SYTL3: variants seen among roughly 807,000 people sequenced by gnomAD.
SYTL3 encodes the protein synaptotagmin like 3.
In SYTL3, 88 loss-of-function variants were observed where a neutral mutation model predicts 82.1. The observed-to-expected ratio is 1.07, with a 90% confidence interval of 0.90 to 1.28. SYTL3 has a LOEUF of 1.28. SYTL3 is among the 50% of genes most tolerant of loss of function. The pLI is 0.00. For synonymous variants in SYTL3, 311 were observed against 289.4 expected, an observed-to-expected ratio of 1.07 and a Z score of -0.76; for missense variants, 831 against 757.6, an observed-to-expected ratio of 1.10 and a Z score of -1.14.
rs1790067547 is a variant in SYTL3, at chr6:158,762,191, T to C, written c.1517+13T>C. 1.3e-6 allele frequency: 2 copies of C among 1,583,866 alleles called. No individual in the cohort carries two copies. The highest frequency in any genetic ancestry group is 1.7e-6 in the Non-Finnish European group (2 of 1,153,038). On this transcript the variant is annotated intron_variant, in intron 16 of 17. Transcript: ENST00000611299. Reference sequence around the variant, plus strand: ...CATTTGTTAAGGGGTAGGTATTCGATGTAATCAAATATTTATTGGTGATCT... The same window carrying C: ...CATTTGTTAAGGGGTAGGTATTCGACGTAATCAAATATTTATTGGTGATCT...
At chr6:158,695,293 T>C (rs377744741) in intron 6 of SYTL3, among the ~76,000 whole-genome samples, 7 of 152,224 alleles carry the variant, frequency 4.6e-5, no homozygotes, top group African/African-American at 1.4e-4. Flanking sequence ...TTATTTTTCC[T>C]ATTTCAATGA....
rs1047704305 is a variant in SYTL3 at position 158,762,653 on chromosome 6, G to A, written c.1517+475G>A. Reference sequence around the variant, plus strand: ...GAACTCAGGCTGGACGCAGTGGCTCGTGCCTGTAATCCCAGCACTTTGGGA... The same window carrying A: ...GAACTCAGGCTGGACGCAGTGGCTCATGCCTGTAATCCCAGCACTTTGGGA... On this transcript the variant is annotated intron_variant, in intron 16 of 17. Transcript: ENST00000611299. 7.3e-4 allele frequency among the ~76,000 whole-genome samples: 111 copies of A among 152,166 alleles called. 1 individual carries two copies. Among genetic ancestry groups the A allele is most frequent in the Middle Eastern group, 6.8e-3 (2 of 294 alleles).
chr6:158,729,241 A>G (rs146034256), intron 11 of SYTL3, among the ~76,000 whole-genome samples: 99 of 152,328 alleles, frequency 6.5e-4, no homozygotes, highest in African/African-American at 2.4e-3. Flanking sequence ...TTTATTTTTC[A>G]TGGTCCTAGA....
chr6:158,725,433 G>C, intron 10 of SYTL3, 70 bp from the exon 11 acceptor site: 2 of 1,557,046 alleles, frequency 1.3e-6, no homozygotes, highest in South Asian at 2.3e-5. Flanking sequence ...GCTTGCTGAA[G>C]TCACCACATT....
intron 5 of SYTL3, among the ~76,000 whole-genome samples, chr6:158,674,566 C>T (rs1181333571): frequency 1.3e-5 from 2 of 152,216 alleles, no homozygotes; most frequent in African/African-American, 4.8e-5. Flanking sequence ...AGCGTGTGCT[C>T]CTGCTTTCGG....
chr6:158,668,001 A>G (rs891187898), intron 5 of SYTL3, among the ~76,000 whole-genome samples: 10 of 152,192 alleles, frequency 6.6e-5, no homozygotes, highest in Non-Finnish European at 1.5e-5. Flanking sequence ...TAGTCTTTTA[A>G]TGTTTTATTA....
chr6:158,740,681 T>A (rs948586346), intron 11 of SYTL3, among the ~76,000 whole-genome samples: 5 of 152,186 alleles, frequency 3.3e-5, no homozygotes, highest in Non-Finnish European at 4.4e-5. Flanking sequence ...TGCGTGGCAA[T>A]TTTTTACTGA....
intron 11 of SYTL3, among the ~76,000 whole-genome samples, chr6:158,739,377 T>C (rs1786630231): frequency 6.6e-6 from 1 of 152,206 alleles, no homozygotes. Context: ...TTTTAAGCAA[T>C]GTTATTATGA....
chr6:158,717,610 T>C (rs1226367578), intron 9 of SYTL3, among the ~76,000 whole-genome samples: 2 of 152,146 alleles, frequency 1.3e-5, no homozygotes, highest in Non-Finnish European at 2.9e-5. Context: ...AGGGTTTGTT[T>C]ATTATAATTG....
chr6:158,760,651 C>T lies in SYTL3; in HGVS notation c.1320C>T (p.Tyr440=), dbSNP rs746313196. 4.1e-5 allele frequency: 66 copies of T among 1,613,676 alleles called. No individual in the cohort carries two copies. Among genetic ancestry groups the T allele is most frequent in the South Asian group, 1.5e-4 (14 of 91,074 alleles). ...WHPLRAKAEK[Y]EDSVPQSNGE... ...CCTCTTGTCCCCAGGCGGAGAAATA[C>T]GAAGACAGCGTTCCTCAGAGTAATG... Residue 440 remains tyrosine, a synonymous_variant, in exon 15 of 18, where the codon TAC becomes TAT. Transcript: ENST00000611299.
intron 6 of SYTL3, among the ~76,000 whole-genome samples, chr6:158,697,776 C>G (rs1780723088): frequency 6.6e-6 from 1 of 152,110 alleles, no homozygotes; most frequent in Admixed American, 6.5e-5. Flanking sequence ...AAACCTGAAC[C>G]AGTCACCCTC....
intron 12 of SYTL3, among the ~76,000 whole-genome samples, chr6:158,747,026 G>A (rs1787751626): frequency 6.6e-6 from 1 of 152,020 alleles, no homozygotes; most frequent in African/African-American, 2.4e-5. Context: ...TTGCTCTGTT[G>A]CCCAGGCTGG....
intron 5 of SYTL3, among the ~76,000 whole-genome samples, chr6:158,669,330 TCA>T (rs200970761): frequency 0.21 from 32,459 of 152,134 alleles, 4,312 homozygotes; most frequent in East Asian, 0.67. Context: ...CTTGTTTCCT[TCA>T]AACTGTGATC....
At chr6:158,685,074 G>T (rs79480749) in intron 6 of SYTL3, among the ~76,000 whole-genome samples, 130 of 152,210 alleles carry the variant, frequency 8.5e-4, no homozygotes, top group African/African-American at 3.1e-3. Flanking sequence ...AGCCACAGAC[G>T]GTTGAAATAG....
At chr6:158,645,137 G>A (rs2128338870), upstream of SYTL3, among the ~76,000 whole-genome samples, 1 of 152,312 alleles carries the variant, frequency 6.6e-6, no homozygotes, top group Admixed American at 6.5e-5. Context: ...TGAAGGCAGT[G>A]CGCCCGGTGA....
chr6:158,761,624 G>C (rs1190928667), intron 15 of SYTL3, among the ~76,000 whole-genome samples: 1 of 152,130 alleles, frequency 6.6e-6, no homozygotes, highest in East Asian at 1.9e-4. Context: ...GCACATTTCT[G>C]TTGTGTATTT....
chr6:158,695,820 C>T (rs1056595481), intron 6 of SYTL3, among the ~76,000 whole-genome samples: 28 of 152,150 alleles, frequency 1.8e-4, no homozygotes, highest in Admixed American at 1.2e-3. Context: ...GCAAAATTTC[C>T]TCAGGGTTCA....
intron 5 of SYTL3, among the ~76,000 whole-genome samples, chr6:158,675,564 AG>A (rs922741653): frequency 1.4e-4 from 21 of 152,288 alleles, no homozygotes; most frequent in Admixed American, 1.4e-3. Context: ...TTATAATCCC[AG>A]CACTTTGGGA....
At position 158,725,633 on chromosome 6, in the gene SYTL3, G is replaced by C; in HGVS notation, c.851G>C (p.Arg284Thr). Residue 284 changes from arginine to threonine, a missense_variant, in exon 11 of 18, where the codon AGA becomes ACA. Physicochemically the swap from Arg to Thr is moderately conservative, Grantham distance 71. Coordinates refer to ENST00000611299, the MANE Select transcript of SYTL3 (RefSeq NM_001242394.2). ...APSTIFSGGFRHGSLISIDST... is the reference protein window; with the variant it reads ...APSTIFSGGFTHGSLISIDST... ...AGTACCATATTCTCTGGAGGTTTTA[G>C]ACACGTGAGTCTCATTCCAATGCTC... is the stretch of plus-strand genomic sequence containing the variant. 1 of 1,613,612 alleles carries C rather than the reference G, an allele frequency of 6.2e-7. No homozygotes were observed. Among genetic ancestry groups the C allele is most frequent in the Non-Finnish European group, 8.5e-7 (1 of 1,179,918 alleles).
Sources: gnomAD v4.1 joint callset for allele counts (sites outside exome capture counted in the v4.1 genomes callset) on GRCh38, gnomAD v4.1.1 for gene constraint, MANE v1.5 for transcripts, NCBI Gene and HGNC (gene_info 2026-07-23, HGNC 2026-07-21) for gene names.